CADM2: variants seen among roughly 807,000 people sequenced by gnomAD.
CADM2 encodes the protein immunoglobulin superfamily member 4D.
In CADM2, 12 loss-of-function variants were observed where a neutral mutation model predicts 49.8. The observed-to-expected ratio is 0.24, with a 90% CI of 0.15 to 0.39. The LOEUF (loss-of-function observed/expected upper bound fraction) is 0.39. Ranked by LOEUF, CADM2 falls within the 10% of genes least tolerant of loss-of-function variation. The pLI is 1.00. For missense variants in CADM2, 378 were observed against 492.3 expected, an observed-to-expected ratio of 0.77 and a Z score of 2.20; for synonymous variants, 214 against 175.4, an observed-to-expected ratio of 1.22 and a Z score of -1.74.
At chr3:84,993,575 G>A (rs2033012376) in intron 1 of CADM2, among the ~76,000 whole-genome samples, 1 of 152,132 alleles carries the variant, frequency 6.6e-6, no homozygotes, top group Non-Finnish European at 1.5e-5. Context: ...GAAAGGATTA[G>A]CAGAAAGTCA....
intron 3 of CADM2, among the ~76,000 whole-genome samples, chr3:85,825,935 C>A (rs1335618551): frequency 6.6e-6 from 1 of 151,828 alleles, no homozygotes; most frequent in Non-Finnish European, 1.5e-5. Context: ...TAGATGTTTT[C>A]TTTGTTCTCC....
At chr3:85,995,714 A>T (rs1350931158) in intron 8 of CADM2, among the ~76,000 whole-genome samples, 1 of 152,152 alleles carries the variant, frequency 6.6e-6, no homozygotes, top group Non-Finnish European at 1.5e-5. Context: ...TTTATATAGA[A>T]AGTCTTCAGT....
chr3:85,661,681 T>C (rs2065410212), intron 1 of CADM2, among the ~76,000 whole-genome samples: 1 of 152,020 alleles, frequency 6.6e-6, no homozygotes, highest in Admixed American at 6.6e-5. Flanking sequence ...TATAAACTAC[T>C]TCATACTCAA....
At chr3:85,779,737 T>G (rs1490462315) in intron 2 of CADM2, among the ~76,000 whole-genome samples, 2 of 152,180 alleles carry the variant, frequency 1.3e-5, no homozygotes, top group Non-Finnish European at 2.9e-5. Context: ...ACCTATATTT[T>G]AAACATTTAC....
intron 8 of CADM2, among the ~76,000 whole-genome samples, chr3:86,023,770 G>C (rs545906175): frequency 3.3e-5 from 5 of 152,108 alleles, no homozygotes; most frequent in Non-Finnish European, 7.4e-5. Flanking sequence ...TCTCACTGCA[G>C]ATGACACTGT....
intron 7 of CADM2, among the ~76,000 whole-genome samples, chr3:85,939,468 AACACACACACAC>A (rs373804679): frequency 7.3e-6 from 1 of 136,978 alleles, no homozygotes; most frequent in Non-Finnish European, 1.6e-5. Flanking sequence ...AGTAAACGAA[AACACACACACAC>A]ACACACACAC....
intron 2 of CADM2, among the ~76,000 whole-genome samples, chr3:85,728,861 AT>A (rs1228076467): frequency 6.6e-6 from 1 of 152,168 alleles, no homozygotes; most frequent in African/African-American, 2.4e-5. Context: ...GTTGGTGGGT[AT>A]TTAGGTTAAA....
At chr3:85,850,026 C>T (rs2075034853) in intron 3 of CADM2, among the ~76,000 whole-genome samples, 1 of 152,144 alleles carries the variant, frequency 6.6e-6, no homozygotes, top group African/African-American at 2.4e-5. Flanking sequence ...GGAATGAAAA[C>T]TTAGTATATT....
intron 2 of CADM2, among the ~76,000 whole-genome samples, chr3:85,731,706 G>A (rs1450543885): frequency 6.6e-6 from 1 of 151,738 alleles, no homozygotes; most frequent in Non-Finnish European, 1.5e-5. Flanking sequence ...GATCCACTAG[G>A]TATATGTTTT....
chr3:85,620,846 T>C (rs2063952971), intron 1 of CADM2, among the ~76,000 whole-genome samples: 1 of 152,238 alleles, frequency 6.6e-6, no homozygotes, highest in East Asian at 1.9e-4. Flanking sequence ...ACTGTTGGAA[T>C]AGTCTCTAAC....
rs115310874 is a variant in CADM2 at position 85,217,766 on chromosome 3, A to G, written c.61+258098A>G. ...CTCATTCTCAATTTTCTTAAACCCC[A>G]TAAGAAACTGGGTTTAATGACAAAT... On this transcript the variant is annotated intron_variant, in intron 1 of 9. Coordinates refer to ENST00000383699, the MANE Select transcript of CADM2 (RefSeq NM_001167675.2). 2.8e-3 allele frequency among the ~76,000 whole-genome samples: 432 copies of G among 152,170 alleles called. 2 individuals carry two copies. The highest frequency in any genetic ancestry group is 9.3e-3 in the African/African-American group (386 of 41,568).
intron 1 of CADM2, among the ~76,000 whole-genome samples, chr3:85,532,898 G>T (rs1297550027): frequency 1.3e-5 from 2 of 152,148 alleles, no homozygotes; most frequent in African/African-American, 4.8e-5. Flanking sequence ...GCAAACTAAT[G>T]CAGGAACGGA....
intron 3 of CADM2, among the ~76,000 whole-genome samples, chr3:85,824,003 A>G (rs2073760643): frequency 1.3e-5 from 2 of 152,188 alleles, no homozygotes; most frequent in Admixed American, 6.6e-5. Context: ...TCAAAAGGTG[A>G]CAGAACAAGT....
At chr3:85,298,315 A>G (rs2044016113) in intron 1 of CADM2, among the ~76,000 whole-genome samples, 2 of 152,090 alleles carry the variant, frequency 1.3e-5, no homozygotes, top group East Asian at 1.9e-4. Context: ...TTTGCCTCCT[A>G]TAGGAAGGTG....
At chr3:85,059,794 A>G (rs867091222) in intron 1 of CADM2, among the ~76,000 whole-genome samples, 1 of 152,170 alleles carries the variant, frequency 6.6e-6, no homozygotes, top group Non-Finnish European at 1.5e-5. Flanking sequence ...AGCCATGTGG[A>G]ACTGTAAGTC....
intron 3 of CADM2, among the ~76,000 whole-genome samples, chr3:85,813,441 A>G (rs1426968071): frequency 1.3e-5 from 2 of 152,016 alleles, no homozygotes; most frequent in Non-Finnish European, 2.9e-5. Flanking sequence ...TAGATTCTGG[A>G]TATTAGCCCT....
chr3:85,164,377 A>T (rs1305413200), intron 1 of CADM2, among the ~76,000 whole-genome samples: 2 of 152,062 alleles, frequency 1.3e-5, no homozygotes, highest in African/African-American at 4.8e-5. Flanking sequence ...TGCCTCTGAG[A>T]GGCCTTAAAG....
chr3:85,311,301 T>A (rs1159711401), intron 1 of CADM2, among the ~76,000 whole-genome samples: 1 of 151,832 alleles, frequency 6.6e-6, no homozygotes, highest in African/African-American at 2.4e-5. Flanking sequence ...ACTGAAATAA[T>A]AAACATGCAT....
chr3:85,115,699 C>T (rs905420463), intron 1 of CADM2, among the ~76,000 whole-genome samples: 2 of 152,254 alleles, frequency 1.3e-5, no homozygotes, highest in South Asian at 4.2e-4. Context: ...TATTAATATA[C>T]AGCTTTAATG....
Sources: allele counts gnomAD v4.1 joint callset (sites outside exome capture counted in the v4.1 genomes callset), GRCh38; gene constraint gnomAD v4.1.1; transcripts MANE v1.5; gene names NCBI Gene and HGNC (gene_info 2026-07-23, HGNC 2026-07-21).